THSD7B: variants seen among roughly 807,000 people sequenced by gnomAD.
The protein encoded by THSD7B is thrombospondin type 1 domain containing 7B.
A neutral mutation model predicts 213.6 loss-of-function variants in THSD7B; 138 were observed. The observed-to-expected ratio is 0.65, with a 90% CI of 0.56 to 0.74. The LOEUF is 0.74. Among genes scored for constraint, THSD7B ranks in the 30% least tolerant of loss-of-function variants. The pLI, the probability that THSD7B is intolerant of heterozygous loss-of-function variation, is 0.00. For synonymous variants in THSD7B, 742 were observed against 687.0 expected (o/e 1.08, Z -1.25); for missense variants, 1,931 against 1,991.5 (o/e 0.97, Z 0.58).
chr2:136,991,447 AG>A (rs1685782496), intron 2 of THSD7B, among the ~76,000 whole-genome samples: 1 of 152,152 alleles, frequency 6.6e-6, no homozygotes, highest in Non-Finnish European at 1.5e-5. Flanking sequence ...AAAGAGAGCG[AG>A]AGAGAGTCTC....
At chr2:137,362,300 C>T (rs1282234134) in intron 12 of THSD7B, among the ~76,000 whole-genome samples, 7 of 152,120 alleles carry the variant, frequency 4.6e-5, no homozygotes, top group African/African-American at 1.4e-4. Context: ...TAAAGACCAT[C>T]GATGCTACAA....
intron 2 of THSD7B, among the ~76,000 whole-genome samples, chr2:136,958,089 CATCTT>C (rs1197775225): frequency 6.6e-6 from 1 of 152,032 alleles, no homozygotes; most frequent in Non-Finnish European, 1.5e-5. Context: ...TTAATATTCT[CATCTT>C]ATTTTATGGA....
intron 1 of THSD7B, among the ~76,000 whole-genome samples, chr2:136,794,643 C>T (rs1388561838): frequency 6.6e-6 from 1 of 151,834 alleles, no homozygotes; most frequent in Non-Finnish European, 1.5e-5. Flanking sequence ...TTTATATGCC[C>T]TTGAGAGGAA....
intron 1 of THSD7B, among the ~76,000 whole-genome samples, chr2:136,769,305 T>A (rs1350455021): frequency 2.6e-5 from 4 of 152,196 alleles, no homozygotes; most frequent in African/African-American, 9.6e-5. Flanking sequence ...TATGGGCTAG[T>A]TATACAAAAT....
At chr2:137,650,939 G>C (rs969051340) in intron 21 of THSD7B, among the ~76,000 whole-genome samples, 4 of 152,118 alleles carry the variant, frequency 2.6e-5, no homozygotes, top group Non-Finnish European at 5.9e-5. Flanking sequence ...TGATCATGGT[G>C]AATGATCTTT....
chr2:137,187,536 G>A (rs142107166), intron 7 of THSD7B, among the ~76,000 whole-genome samples: 3 of 152,306 alleles, frequency 2.0e-5, no homozygotes, highest in Non-Finnish European at 4.4e-5. Context: ...AATGCACAAT[G>A]AGTTGCACAG....
At chr2:137,342,347 A>G (rs1684780446) in intron 12 of THSD7B, among the ~76,000 whole-genome samples, 3 of 150,506 alleles carry the variant, frequency 2.0e-5, no homozygotes, top group Non-Finnish European at 4.4e-5. Context: ...TTTTGTGTTG[A>G]TTTTGTATCC....
chr2:137,324,930 C>A (rs1283513056), intron 12 of THSD7B, among the ~76,000 whole-genome samples: 1 of 152,198 alleles, frequency 6.6e-6, no homozygotes, highest in Admixed American at 6.5e-5. Flanking sequence ...ATGCTTCTTC[C>A]TTGCGAATAG....
chr2:136,810,881 T>C (rs1237862688), intron 1 of THSD7B, among the ~76,000 whole-genome samples: 1 of 152,170 alleles, frequency 6.6e-6, no homozygotes, highest in African/African-American at 2.4e-5. Context: ...CATGGATTCT[T>C]TGAGTTCCTT....
intron 12 of THSD7B, among the ~76,000 whole-genome samples, chr2:137,326,892 AAC>A (rs1388689965): frequency 1.3e-5 from 2 of 152,224 alleles, no homozygotes; most frequent in Non-Finnish European, 2.9e-5. Context: ...TGCAGTTTCA[AAC>A]ACACAGCAGC....
intron 5 of THSD7B, among the ~76,000 whole-genome samples, chr2:137,117,622 G>A (rs1688468009): frequency 6.6e-6 from 1 of 152,030 alleles, no homozygotes; most frequent in South Asian, 2.1e-4. Context: ...TGTTCACTCT[G>A]GAGTGTGATT....
Position 137,439,537 on chromosome 2 carries a change from C to A in THSD7B, c.2960-11308C>A, listed in dbSNP as rs560633620. 5.9e-5 allele frequency among the ~76,000 whole-genome samples: 9 copies of A among 151,894 alleles called. No homozygotes were observed. In the South Asian group the frequency reaches 1.9e-3, roughly 32 times the overall value. On this transcript the variant is annotated intron_variant, in intron 14 of 27. Coordinates refer to ENST00000409968, the MANE Select transcript of THSD7B (RefSeq NM_001316349.2). Reference sequence around the variant, plus strand: ...AGACAACAGAAGTCTAAATGTAAATCTCTGGATTAGATAATGCACAATCAG... The same window carrying A: ...AGACAACAGAAGTCTAAATGTAAATATCTGGATTAGATAATGCACAATCAG...
rs757825309 is a variant in THSD7B, at chr2:137,421,459, G to A, written c.2959+9587G>A. 1.1e-4 allele frequency among the ~76,000 whole-genome samples: 16 copies of A among 152,322 alleles called. No individual in the cohort carries two copies. The East Asian group carries it at 1.5e-3, about 15-fold the overall frequency. On this transcript the variant is annotated intron_variant, in intron 14 of 27. Coordinates refer to ENST00000409968, the MANE Select transcript of THSD7B (RefSeq NM_001316349.2). ...TTGCTGGAGTAGTTCACAGAACTAAGGGAAATAGTTACTTACATTTATTGG... is the reference window on the plus strand; with the variant it reads ...TTGCTGGAGTAGTTCACAGAACTAAAGGAAATAGTTACTTACATTTATTGG...
chr2:137,045,570 C>T (rs1686955165), intron 2 of THSD7B, among the ~76,000 whole-genome samples: 1 of 152,288 alleles, frequency 6.6e-6, no homozygotes, highest in African/African-American at 2.4e-5. Context: ...TAACTAAAAC[C>T]ACAAAAAGTG....
intron 12 of THSD7B, among the ~76,000 whole-genome samples, chr2:137,392,185 T>G (rs1200529251): frequency 1.3e-5 from 2 of 152,212 alleles, no homozygotes. Flanking sequence ...TCCTAGAGAA[T>G]GTTCCATGTG....
intron 7 of THSD7B, among the ~76,000 whole-genome samples, chr2:137,180,950 C>T (rs2105005329): frequency 1.3e-5 from 2 of 152,298 alleles, no homozygotes; most frequent in African/African-American, 4.8e-5. Flanking sequence ...CCTAACCATA[C>T]ACTAAGCATG....
intron 12 of THSD7B, among the ~76,000 whole-genome samples, chr2:137,352,367 C>T (rs1685033365): frequency 6.6e-6 from 1 of 151,938 alleles, no homozygotes; most frequent in Admixed American, 6.6e-5. Flanking sequence ...AGTCCACATG[C>T]CAAGTTGTGT....
At chr2:137,646,677 A>ATAC (rs1484682190) in intron 21 of THSD7B, among the ~76,000 whole-genome samples, 4 of 148,366 alleles carry the variant, frequency 2.7e-5, no homozygotes, top group Non-Finnish European at 6.0e-5. Context: ...AATAATAATA[A>ATAC]TAATAAACAC....
intron 2 of THSD7B, among the ~76,000 whole-genome samples, chr2:136,994,419 T>C (rs1398931540): frequency 1.3e-5 from 2 of 151,976 alleles, no homozygotes; most frequent in Admixed American, 6.5e-5. Flanking sequence ...AAAAAAAAAT[T>C]AGCTGGGCGT....
Sources: allele counts gnomAD v4.1 joint callset (sites outside exome capture counted in the v4.1 genomes callset), GRCh38; gene constraint gnomAD v4.1.1; transcripts MANE v1.5; gene names NCBI Gene and HGNC (gene_info 2026-07-23, HGNC 2026-07-21).